ADGRD1: variants seen among roughly 807,000 people sequenced by gnomAD.
ADGRD1 encodes G-protein coupled receptor 133.
In ADGRD1, 77 loss-of-function variants were observed where a neutral mutation model predicts 113.4. That is an observed-to-expected ratio of 0.68 (90% CI 0.57 to 0.82). The LOEUF (loss-of-function observed/expected upper bound fraction) is 0.82, where lower values mean the gene tolerates loss of function less well. Among genes scored for constraint, ADGRD1 ranks in the 40% least tolerant of loss-of-function variants. ADGRD1 has a pLI of 0.00. For synonymous variants in ADGRD1, 474 were observed against 475.0 expected, an observed-to-expected ratio of 1.00 and a Z score of 0.03; for missense variants, 1,036 against 1,139.1, an observed-to-expected ratio of 0.91 and a Z score of 1.30.
Position 131,128,029 on chromosome 12 carries a change from G to T in ADGRD1, c.2176-3696G>T, listed in dbSNP as rs1259865594. On this transcript the variant is annotated intron_variant, in intron 20 of 24. Coordinates refer to ENST00000261654, the MANE Select transcript of ADGRD1 (RefSeq NM_198827.5). ...GGTTGTGATGGGACTCTGAGCTCAG[G>T]TGGGGTGTTGGTTGGGTTGGTTGTG... Among the ~76,000 whole-genome samples, 3 of 129,474 alleles carry T rather than the reference G, an allele frequency of 2.3e-5. No homozygotes were observed. The East Asian group carries it at 6.9e-4, about 30-fold the overall frequency. 84.9% of individuals were successfully genotyped at this position (129,474 alleles called of 152,430 possible). A position where few individuals can be genotyped will look rare whatever the true frequency, so the allele number is the denominator to read the frequency against.
At chr12:130,985,796 C>T (rs964168808) in intron 5 of ADGRD1, among the ~76,000 whole-genome samples, 1 of 152,176 alleles carries the variant, frequency 6.6e-6, no homozygotes, top group African/African-American at 2.4e-5. Flanking sequence ...AGGTGATCCA[C>T]CTGCCTCGGC....
rs7978965 is a variant in ADGRD1 at position 130,992,359 on chromosome 12, C to T, written c.933C>T (p.Ser311=). 3,181 of 1,613,798 alleles carry T rather than the reference C, an allele frequency of 2.0e-3. 53 individuals carry two copies. The African/African-American group carries it at 0.038, about 19-fold the overall frequency. The stretch of plus-strand genomic sequence containing the variant: ...TATCCCTCAGCTTACCCAGTAAGTC[C>T]CTCTCGGAGCAGACAGCCTTGAATC... ...QNVSLSLPSK[S]LSEQTALNLT... The change falls in exon 8 of 25, where the codon TCC becomes TCT. Residue 311 remains serine (S), a synonymous_variant. Coordinates refer to ENST00000261654, the MANE Select transcript of ADGRD1 (RefSeq NM_198827.5).
intron 15 of ADGRD1, among the ~76,000 whole-genome samples, chr12:131,087,018 A>C (rs1340063860): frequency 1.3e-5 from 2 of 151,986 alleles, no homozygotes; most frequent in African/African-American, 4.8e-5. Flanking sequence ...CTATCCTCCC[A>C]CCTCAGCCTC....
rs1278754342 is a variant in ADGRD1, at chr12:131,129,026, C to G, written c.2176-2699C>G. On this transcript the variant is annotated intron_variant, in intron 20 of 24. Coordinates refer to ENST00000261654, the MANE Select transcript of ADGRD1 (RefSeq NM_198827.5). Reference sequence around the variant, plus strand: ...TGCTGTCTGGTGTGAGTGACAGGCCCGCCCTGCTGTCTGGTGTGAGTGACA... The same window carrying G: ...TGCTGTCTGGTGTGAGTGACAGGCCGGCCCTGCTGTCTGGTGTGAGTGACA... Among the ~76,000 whole-genome samples, 237 of 88,250 alleles carry G rather than the reference C, an allele frequency of 2.7e-3. 6 individuals are homozygous for G. Among genetic ancestry groups the G allele is most frequent in the Middle Eastern group, 0.01 (1 of 100 alleles). The allele number at this position is 88,250 out of a possible 152,430, so 57.9% of individuals were successfully genotyped here. A position where few individuals can be genotyped will look rare whatever the true frequency, so the allele number is the denominator to read the frequency against.
intron 15 of ADGRD1, among the ~76,000 whole-genome samples, chr12:131,086,451 C>T (rs533187724): frequency 6.6e-6 from 1 of 152,324 alleles, no homozygotes; most frequent in East Asian, 1.9e-4. Flanking sequence ...AGCCCAGGCG[C>T]CCCTCGCTCC....
rs182188199 is a variant in ADGRD1 at position 131,046,029 on chromosome 12, C to G, written c.1474-30772C>G. Among the ~76,000 whole-genome samples, 38 of 149,568 alleles carry G rather than the reference C, an allele frequency of 2.5e-4. 1 individual carries two copies. The highest frequency in any genetic ancestry group is 8.5e-4 in the South Asian group (4 of 4,684). ...CTCCCTGGTGAGTGTCCTCCCTGGTCAGTGTCCTCCCTGGTCAGCACTTCT... is the reference window on the plus strand; with the variant it reads ...CTCCCTGGTGAGTGTCCTCCCTGGTGAGTGTCCTCCCTGGTCAGCACTTCT... On this transcript the variant is annotated intron_variant, in intron 13 of 24. Transcript: ENST00000261654.
chr12:131,061,687 A>G (rs562779960), intron 13 of ADGRD1, among the ~76,000 whole-genome samples: 3 of 152,368 alleles, frequency 2.0e-5, no homozygotes, highest in African/African-American at 4.8e-5. Context: ...ATGTATGTAT[A>G]TAGTTCTGTT....
At chr12:130,994,617 C>T (rs1168201906) in intron 8 of ADGRD1, among the ~76,000 whole-genome samples, 2 of 152,124 alleles carry the variant, frequency 1.3e-5, no homozygotes, top group South Asian at 2.1e-4. Context: ...GGAGGGAGTC[C>T]GAGTGAGGAT....
chr12:131,049,865 C>A (rs1219042371), intron 13 of ADGRD1, among the ~76,000 whole-genome samples: 1 of 152,162 alleles, frequency 6.6e-6, no homozygotes, highest in Non-Finnish European at 1.5e-5. Flanking sequence ...GGAGCCACTC[C>A]CAGTCAAGGT....
chr12:131,020,344 T>C lies in ADGRD1; in HGVS notation c.1473+6004T>C, dbSNP rs1190263067. On this transcript the variant is annotated intron_variant, in intron 13 of 24. Transcript: ENST00000261654. ...ATGTTCCAGGGGCAAGACCCTGAGC[T>C]CCGGCCAGGGCAGAGGGTGCTTCAG... Among the ~76,000 whole-genome samples the C allele has an allele frequency of 2.6e-5, 4 of 151,808 alleles. No individual in the cohort carries two copies. In the South Asian group the frequency reaches 8.3e-4, roughly 32 times the overall value.
chr12:130,978,406 T>A (rs908755894), intron 4 of ADGRD1: 1 of 152,226 alleles, frequency 6.6e-6, no homozygotes, highest in Non-Finnish European at 1.5e-5. Context: ...TAGGATTCAG[T>A]GCTTATAACA....
At chr12:131,119,682 C>G (rs1049720555) in intron 19 of ADGRD1, among the ~76,000 whole-genome samples, 6 of 152,254 alleles carry the variant, frequency 3.9e-5, no homozygotes. Flanking sequence ...AAAGCACAAT[C>G]TCTCTCTTTG....
intron 6 of ADGRD1, chr12:130,989,928 T>C (rs1364374595): frequency 1.3e-5 from 2 of 152,248 alleles, no homozygotes; most frequent in African/African-American, 2.4e-5. Flanking sequence ...TCGGAAAGCA[T>C]GTACCTTTGG....
At chr12:131,131,695 C>CGGGG in intron 20 of ADGRD1, 30 bp from the exon 21 acceptor site, 5 of 1,455,412 alleles carry the variant, frequency 3.4e-6, no homozygotes, top group Non-Finnish European at 3.9e-6. Context: ...CCCAGGCCCC[C>CGGGG]CTCACCTTCC....
At chr12:130,980,223 G>A (rs911242969) in intron 4 of ADGRD1, among the ~76,000 whole-genome samples, 1 of 151,730 alleles carries the variant, frequency 6.6e-6, no homozygotes, top group Non-Finnish European at 1.5e-5. Flanking sequence ...TCCTGCCTCA[G>A]CCTCCTGAGC....
chr12:131,047,444 G>T (rs1882950708), intron 13 of ADGRD1, among the ~76,000 whole-genome samples: 1 of 152,204 alleles, frequency 6.6e-6, no homozygotes, highest in African/African-American at 2.4e-5. Context: ...GCCCCCTTTT[G>T]CACCCCTTCC....
At chr12:131,072,164 A>T (rs1208897769) in intron 13 of ADGRD1, among the ~76,000 whole-genome samples, 1 of 151,368 alleles carries the variant, frequency 6.6e-6, no homozygotes, top group African/African-American at 2.4e-5. Context: ...CGAGCGTGAG[A>T]ATCAGGTGTC....
intron 4 of ADGRD1, among the ~76,000 whole-genome samples, chr12:130,975,656 T>G (rs917497672): frequency 6.6e-6 from 1 of 152,208 alleles, no homozygotes; most frequent in Admixed American, 6.5e-5. Flanking sequence ...AGGTGCAGAT[T>G]ATTAGGTAAT....
chr12:131,102,757 G>A (rs141964773), intron 15 of ADGRD1, among the ~76,000 whole-genome samples: 327 of 152,300 alleles, frequency 2.1e-3, no homozygotes, highest in Non-Finnish European at 4.1e-3. Context: ...GGGGTCAGAG[G>A]TCAACAGCCT....
Sources: allele counts gnomAD v4.1 joint callset (sites outside exome capture counted in the v4.1 genomes callset), GRCh38; gene constraint gnomAD v4.1.1; transcripts MANE v1.5; gene names NCBI Gene and HGNC (gene_info 2026-07-23, HGNC 2026-07-21).